The following TTC23L variants were observed in gnomAD, a reference collection of about 807,000 sequenced individuals.
The protein encoded by TTC23L is tetratricopeptide repeat domain 23 like.
In TTC23L, 42 loss-of-function variants were observed where a neutral mutation model predicts 48.1. The observed-to-expected ratio is 0.87, with a 90% CI of 0.68 to 1.13. The LOEUF (loss-of-function observed/expected upper bound fraction) is 1.13, where lower values mean the gene tolerates loss of function less well. Ranked by LOEUF, TTC23L falls within the 50% of genes most tolerant of loss-of-function variation. The probability of loss-of-function intolerance (pLI) is 0.00; values close to 1 mark genes in which losing one functional copy is unlikely to be tolerated. For synonymous variants in TTC23L, 159 were observed against 157.2 expected, an observed-to-expected ratio of 1.01 and a Z score of -0.09; for missense variants, 391 against 421.0, an observed-to-expected ratio of 0.93 and a Z score of 0.62.
chr5:34,862,588 C>T (rs1308663937), intron 4 of TTC23L, among the ~76,000 whole-genome samples: 4 of 152,080 alleles, frequency 2.6e-5, no homozygotes, highest in African/African-American at 9.7e-5. Context: ...TCTTGAGTTC[C>T]AAACTGAGGT....
the TTC23L span, chr5:34,924,788 G>T: frequency 8.4e-7 from 1 of 1,193,420 alleles, no homozygotes. Flanking sequence ...GTTATAGCCA[G>T]TATACCTTTT....
chr5:34,882,658 C>CACACACACACACACACACAA (rs1317720646), intron 9 of TTC23L, among the ~76,000 whole-genome samples: 2 of 148,840 alleles, frequency 1.3e-5, no homozygotes, highest in Non-Finnish European at 3.0e-5. Flanking sequence ...CACACACACA[C>CACACACACACACACACACAA]AATATCTTTT....
At chr5:34,867,228 A>G in intron 7 of TTC23L, 159 bp downstream of exon 7, 1 of 772,364 alleles carries the variant, frequency 1.3e-6, no homozygotes, top group Non-Finnish European at 2.1e-6. Context: ...GCCCTTGATC[A>G]AACCTTAAAT....
chr5:34,882,658 C>CACACACACACAA (rs1317720646), intron 9 of TTC23L, among the ~76,000 whole-genome samples: 2 of 148,958 alleles, frequency 1.3e-5, no homozygotes, highest in East Asian at 3.9e-4. Flanking sequence ...CACACACACA[C>CACACACACACAA]AATATCTTTT....
chr5:34,875,756 TAATC>T (rs1381024541), intron 8 of TTC23L, among the ~76,000 whole-genome samples: 1 of 152,114 alleles, frequency 6.6e-6, no homozygotes, highest in Non-Finnish European at 1.5e-5. Flanking sequence ...AGTAAGGACA[TAATC>T]AAATTCAACA....
the TTC23L span, chr5:34,914,475 C>A: frequency 1.8e-6 from 1 of 561,760 alleles, no homozygotes; most frequent in East Asian, 3.1e-5. Context: ...CTCTGTAAAA[C>A]AAGATGGGAA....
the TTC23L span, chr5:34,914,516 T>C: frequency 4.6e-6 from 3 of 647,410 alleles, no homozygotes; most frequent in Middle Eastern, 8.6e-4. Flanking sequence ...GAAAAAAAAT[T>C]CAAGTAATGA....
intron 8 of TTC23L, among the ~76,000 whole-genome samples, chr5:34,871,257 G>T (rs138072204): frequency 1.1e-3 from 174 of 152,152 alleles, no homozygotes; most frequent in African/African-American, 4.0e-3. Context: ...CTTAATTGTA[G>T]TTCTATATAG....
rs528420589 is a variant in TTC23L, at chr5:34,848,617, G to T, written c.256-1568G>T. 3.9e-5 allele frequency among the ~76,000 whole-genome samples: 6 copies of T among 152,262 alleles called. No homozygotes were observed. The South Asian group carries it at 1.0e-3, about 26-fold the overall frequency. On this transcript the variant is annotated intron_variant, in intron 3 of 10. Transcript: ENST00000505624. ...ATTTTAGATAAGGTGGCCAAAAAAGGCCTGTTGATAAGAAAAGTGAAAATG... is the reference window on the plus strand; with the variant it reads ...ATTTTAGATAAGGTGGCCAAAAAAGTCCTGTTGATAAGAAAAGTGAAAATG...
At chr5:34,867,136 A>C (rs1263172099) in intron 7 of TTC23L, 67 bp downstream of exon 7, 2 of 1,488,626 alleles carry the variant, frequency 1.3e-6, no homozygotes, top group Non-Finnish European at 1.8e-6. Context: ...TCTCAGGGCC[A>C]GGGAAGCATG....
chr5:34,853,692 A>C (rs1248698712), intron 4 of TTC23L, among the ~76,000 whole-genome samples: 1 of 152,180 alleles, frequency 6.6e-6, no homozygotes, highest in Non-Finnish European at 1.5e-5. Flanking sequence ...AAAGAAGTAC[A>C]ACAGTGGTTT....
At chr5:34,885,847 G>T (rs571172290) in intron 9 of TTC23L, among the ~76,000 whole-genome samples, 20 of 152,196 alleles carry the variant, frequency 1.3e-4, no homozygotes, top group East Asian at 3.9e-4. Context: ...TTTATATATA[G>T]AGAGAGACAT....
Position 34,896,876 on chromosome 5 carries a change from G to A in TTC23L, c.*97+1G>A, listed in dbSNP as rs866645947. ...ACAGAGGGCAGTGTATGGAGGAATG[G>A]TAAGTACTTTACAGCTGTTGTACAG... On this transcript the variant is annotated splice_donor_variant, in intron 10 of 10. Coordinates refer to ENST00000505624, the Ensembl canonical transcript of TTC23L. LOFTEE classifies it low-confidence loss of function (3UTR_SPLICE). 1 of 718,674 alleles carries A rather than the reference G, an allele frequency of 1.4e-6. No homozygotes were observed. Among genetic ancestry groups the A allele is most frequent in the African/African-American group, 1.7e-5 (1 of 57,354 alleles). 44.5% of individuals were successfully genotyped at this position (718,674 alleles called of 1,614,324 possible).
intron 8 of TTC23L, among the ~76,000 whole-genome samples, chr5:34,877,150 G>GCCAGT (rs1761906286): frequency 6.6e-6 from 1 of 152,094 alleles, no homozygotes; most frequent in Non-Finnish European, 1.5e-5. Flanking sequence ...GGTATGCAAG[G>GCCAGT]CCAGTCCAGT....
chr5:34,868,842 A>C (rs1200664755), intron 7 of TTC23L, 63 bp from the exon 8 acceptor site: 2 of 1,438,818 alleles, frequency 1.4e-6, no homozygotes, highest in Non-Finnish European at 9.6e-7. Flanking sequence ...CTCACCTCTC[A>C]TCTAAATCCA....
the TTC23L span, among the ~76,000 whole-genome samples, chr5:34,911,043 G>A: frequency 6.6e-6 from 1 of 152,096 alleles, no homozygotes; most frequent in Non-Finnish European, 1.5e-5. Context: ...TTAATGGTTT[G>A]CTGTTTCACA....
intron 9 of TTC23L, 79 bp from the exon 10 acceptor site, chr5:34,896,691 G>C: frequency 2.7e-6 from 2 of 737,760 alleles, no homozygotes; most frequent in Non-Finnish European, 5.1e-6. Flanking sequence ...AGCATTCTCA[G>C]TGCAATGAAA....
chr5:34,867,018 GA>G lies in TTC23L; in HGVS notation c.790del (p.Ile264Ter). ...TCAGCCTGTACGAGGAAGCTGCTCA[GA>G]TAGAGCAGCTGAGGAGGAACCACAA... is the stretch of plus-strand genomic sequence containing the variant. On this transcript the variant is annotated frameshift_variant, in exon 7 of 11. Coordinates refer to ENST00000505624, the Ensembl canonical transcript of TTC23L. LOFTEE classifies it high-confidence loss of function. 4 of 1,612,240 alleles carry G rather than the reference GA, an allele frequency of 2.5e-6. No homozygotes were observed. The highest frequency in any genetic ancestry group is 1.3e-5 in the African/African-American group (1 of 75,054).
chr5:34,885,885 A>C (rs1187950205), intron 9 of TTC23L, among the ~76,000 whole-genome samples: 1 of 152,198 alleles, frequency 6.6e-6, no homozygotes, highest in Non-Finnish European at 1.5e-5. Flanking sequence ...AAAATAAAGC[A>C]AACGTGGCAA....
Sources: gnomAD v4.1 joint callset for allele counts (sites outside exome capture counted in the v4.1 genomes callset) on GRCh38, gnomAD v4.1.1 for gene constraint, MANE v1.5 for transcripts, NCBI Gene and HGNC (gene_info 2026-07-23, HGNC 2026-07-21) for gene names.